Variants in DSCAML1 observed in about 807,000 individuals in gnomAD.
DSCAML1 encodes DS cell adhesion molecule like 1.
DSCAML1 carries 38 observed loss-of-function variants against 200.5 expected under a neutral mutation model. The observed-to-expected ratio is 0.19, with a 90% CI of 0.15 to 0.25. DSCAML1 has a LOEUF of 0.25. Among genes scored for constraint, DSCAML1 ranks in the 10% least tolerant of loss-of-function variants. DSCAML1 has a pLI of 1.00. For missense variants in DSCAML1, 2,223 were observed against 2,858.8 expected (o/e 0.78, Z 5.07); for synonymous variants, 1,215 against 1,165.0 (o/e 1.04, Z -0.87).
intron 3 of DSCAML1, among the ~76,000 whole-genome samples, chr11:117,649,101 A>T (rs2052578377): frequency 7.0e-6 from 1 of 143,402 alleles, no homozygotes; most frequent in Admixed American, 7.0e-5. Context: ...TTTTAGACAG[A>T]ATTTCGCTCT....
intron 3 of DSCAML1, among the ~76,000 whole-genome samples, chr11:117,556,996 G>GAGAT (rs1386545481): frequency 6.6e-6 from 1 of 152,170 alleles, no homozygotes; most frequent in Non-Finnish European, 1.5e-5. Context: ...CCCTCTCCTG[G>GAGAT]AGATGGATGC....
At chr11:117,456,621 C>A (rs746678945) in intron 19 of DSCAML1, among the ~76,000 whole-genome samples, 1 of 151,608 alleles carries the variant, frequency 6.6e-6, no homozygotes, top group Non-Finnish European at 1.5e-5. Flanking sequence ...TTCTTTGTGG[C>A]CTGGGCTTCC....
At chr11:117,537,789 C>T (rs971030668) in intron 3 of DSCAML1, among the ~76,000 whole-genome samples, 4 of 152,168 alleles carry the variant, frequency 2.6e-5, no homozygotes, top group Admixed American at 6.5e-5. Flanking sequence ...AGCAACGAAA[C>T]GCAAGGATTG....
chr11:117,762,438 G>C (rs2054820498), intron 3 of DSCAML1, among the ~76,000 whole-genome samples: 1 of 151,622 alleles, frequency 6.6e-6, no homozygotes, highest in South Asian at 2.1e-4. Context: ...CTGTCAATAA[G>C]TTTTTTTTTC....
chr11:117,662,359 C>T (rs767294041), intron 3 of DSCAML1, among the ~76,000 whole-genome samples: 15 of 152,238 alleles, frequency 9.9e-5, no homozygotes, highest in Middle Eastern at 3.2e-3. Flanking sequence ...GCATGACAGA[C>T]GGCTTCGAAA....
chr11:117,741,597 T>G (rs1436521301), intron 3 of DSCAML1, among the ~76,000 whole-genome samples: 1 of 152,236 alleles, frequency 6.6e-6, no homozygotes, highest in Non-Finnish European at 1.5e-5. Context: ...CTCAAAGATG[T>G]GTGGGAACTT....
At chr11:117,553,492 C>T (rs890581710) in intron 3 of DSCAML1, among the ~76,000 whole-genome samples, 2 of 152,090 alleles carry the variant, frequency 1.3e-5, no homozygotes, top group African/African-American at 4.8e-5. Flanking sequence ...TAGACAGTTC[C>T]CCAAAGAAGA....
chr11:117,761,218 C>A (rs2054795374), intron 3 of DSCAML1, among the ~76,000 whole-genome samples: 1 of 152,174 alleles, frequency 6.6e-6, no homozygotes, highest in African/African-American at 2.4e-5. Context: ...GGACACCCAG[C>A]CCCCGGAGAA....
At chr11:117,445,336 G>GC (rs1355757615) in intron 20 of DSCAML1, among the ~76,000 whole-genome samples, 1 of 152,180 alleles carries the variant, frequency 6.6e-6, no homozygotes. Flanking sequence ...GAGGTCCGGG[G>GC]GGGCAGGTGC....
chr11:117,433,311 G>A, intron 28 of DSCAML1, 55 bp from the exon 29 acceptor site: 1 of 1,573,542 alleles, frequency 6.4e-7, no homozygotes. Context: ...GGTTGGGGAA[G>A]GGGGCTCTGC....
intron 3 of DSCAML1, among the ~76,000 whole-genome samples, chr11:117,712,234 C>T (rs1287721103): frequency 1.3e-5 from 2 of 152,254 alleles, no homozygotes; most frequent in East Asian, 3.9e-4. Context: ...CTCTCCACTC[C>T]CTTCATCCCC....
chr11:117,587,843 G>A (rs2051180340), intron 3 of DSCAML1, among the ~76,000 whole-genome samples: 1 of 152,150 alleles, frequency 6.6e-6, no homozygotes, highest in South Asian at 2.1e-4. Context: ...TCCCTCCCAG[G>A]GGTGTGGGGA....
intron 3 of DSCAML1, among the ~76,000 whole-genome samples, chr11:117,674,460 C>T (rs2053170933): frequency 1.3e-5 from 2 of 152,168 alleles, no homozygotes; most frequent in African/African-American, 4.8e-5. Context: ...CTGCCATGAT[C>T]CTCTCAGTGG....
intron 3 of DSCAML1, among the ~76,000 whole-genome samples, chr11:117,734,392 T>C (rs2054282589): frequency 6.6e-6 from 1 of 152,184 alleles, no homozygotes; most frequent in Non-Finnish European, 1.5e-5. Flanking sequence ...GCTGGGAGAC[T>C]AGAAAATCCC....
rs111566027 is a variant in DSCAML1 at position 117,813,998 on chromosome 11, A to T, written c.-250+3392T>A. Among the ~76,000 whole-genome samples the T allele has an allele frequency of 7.7e-3, 1,172 of 152,286 alleles. 29 individuals carry two copies. The East Asian group carries it at 0.085, about 11-fold the overall frequency. On this transcript the variant is annotated intron_variant, in intron 1 of 2. Transcript: ENST00000525836. ...ACTGAAGAATCACAAAAGAAGTGAA[A>T]AGGCCCTGCCCCGCCTTAACTGATG...
intron 1 of DSCAML1, among the ~76,000 whole-genome samples, chr11:117,787,301 G>A (rs776913367): frequency 1.3e-5 from 2 of 152,174 alleles, no homozygotes; most frequent in African/African-American, 2.4e-5. Flanking sequence ...TAAGTGCCTG[G>A]CACCACCTAA....
intron 21 of DSCAML1, among the ~76,000 whole-genome samples, chr11:117,442,427 GTA>G (rs1565683532): frequency 6.6e-6 from 1 of 151,470 alleles, no homozygotes. Flanking sequence ...GTGCGTAAAT[GTA>G]TGTGTGGGTC....
At chr11:117,568,589 G>A (rs1021332124) in intron 3 of DSCAML1, among the ~76,000 whole-genome samples, 4 of 151,048 alleles carry the variant, frequency 2.6e-5, no homozygotes, top group Non-Finnish European at 5.9e-5. Flanking sequence ...AACAGACAGA[G>A]AGCCAAATCA....
chr11:117,762,584 C>T (rs759808142), intron 3 of DSCAML1, among the ~76,000 whole-genome samples: 3 of 152,026 alleles, frequency 2.0e-5, no homozygotes, highest in Admixed American at 6.5e-5. Flanking sequence ...ATATATGGGC[C>T]GGACACAGTG....
Sources: allele counts gnomAD v4.1 joint callset (sites outside exome capture counted in the v4.1 genomes callset), GRCh38; gene constraint gnomAD v4.1.1; transcripts MANE v1.5; gene names NCBI Gene and HGNC (gene_info 2026-07-23, HGNC 2026-07-21).